The following DENND5B variants were observed in gnomAD, a reference collection of about 807,000 sequenced individuals.
The protein encoded by DENND5B is DENN domain containing 5B.
In DENND5B, 34 loss-of-function variants were observed where a neutral mutation model predicts 140.6. That is an observed-to-expected ratio of 0.24 (90% CI 0.18 to 0.32). The LOEUF (loss-of-function observed/expected upper bound fraction) is 0.32, where lower values mean the gene tolerates loss of function less well. Ranked by LOEUF, DENND5B falls within the 10% of genes least tolerant of loss-of-function variation. DENND5B has a pLI of 1.00. For synonymous variants in DENND5B, 551 were observed against 562.1 expected (o/e 0.98, Z 0.28); for missense variants, 1,142 against 1,560.2 (o/e 0.73, Z 4.52).
At chr12:31,450,074 G>C (rs1013034513) in intron 5 of DENND5B, among the ~76,000 whole-genome samples, 5 of 152,148 alleles carry the variant, frequency 3.3e-5, no homozygotes, top group African/African-American at 1.2e-4. Context: ...ATGGAAAATG[G>C]TTAAGACTAA....
intron 1 of DENND5B, among the ~76,000 whole-genome samples, chr12:31,566,913 C>T (rs1244416265): frequency 1.3e-5 from 2 of 152,130 alleles, no homozygotes; most frequent in Non-Finnish European, 2.9e-5. Flanking sequence ...GTTCTACCAG[C>T]TACTTGGGAA....
intron 9 of DENND5B, among the ~76,000 whole-genome samples, chr12:31,425,650 G>A (rs2271983): frequency 0.011 from 1,727 of 152,268 alleles, 19 homozygotes; most frequent in East Asian, 0.031. Flanking sequence ...TGTAAAATGA[G>A]AGAGAATCTA....
intron 1 of DENND5B, among the ~76,000 whole-genome samples, chr12:31,589,005 A>G (rs1486947577): frequency 1.3e-5 from 2 of 152,238 alleles, no homozygotes; most frequent in Non-Finnish European, 2.9e-5. Context: ...TTAAAGTCTA[A>G]TTGATGGTTT....
At chr12:31,472,593 GAAAT>G (rs2138434764) in intron 3 of DENND5B, among the ~76,000 whole-genome samples, 1 of 152,096 alleles carries the variant, frequency 6.6e-6, no homozygotes, top group Non-Finnish European at 1.5e-5. Context: ...CACCCAGCCT[GAAAT>G]GAAAGTCTTA....
chr12:31,489,141 C>T (rs1285015965), intron 2 of DENND5B, among the ~76,000 whole-genome samples: 2 of 152,106 alleles, frequency 1.3e-5, no homozygotes, highest in Non-Finnish European at 2.9e-5. Flanking sequence ...TATAGGACAA[C>T]GGCTGGAGCA....
chr12:31,561,415 G>C (rs1379242694), intron 1 of DENND5B, among the ~76,000 whole-genome samples: 1 of 152,164 alleles, frequency 6.6e-6, no homozygotes, highest in African/African-American at 2.4e-5. Context: ...CCTGAGCCCG[G>C]AAGTTCAAGA....
At chr12:31,576,536 CCCA>C (rs1950025188) in intron 1 of DENND5B, among the ~76,000 whole-genome samples, 1 of 151,858 alleles carries the variant, frequency 6.6e-6, no homozygotes, top group Non-Finnish European at 1.5e-5. Flanking sequence ...AAAGAAATTT[CCCA>C]GTTTCTGCTA....
chr12:31,470,892 C>T (rs1054117189), intron 3 of DENND5B, among the ~76,000 whole-genome samples: 1 of 152,118 alleles, frequency 6.6e-6, no homozygotes, highest in Non-Finnish European at 1.5e-5. Context: ...TCCTGGGTGG[C>T]CACTCATGGG....
chr12:31,438,838 CAG>C (rs908767706), intron 7 of DENND5B, among the ~76,000 whole-genome samples: 20 of 152,084 alleles, frequency 1.3e-4, no homozygotes, highest in African/African-American at 4.6e-4. Flanking sequence ...AAATATGAAA[CAG>C]AATATAAATA....
chr12:31,570,738 T>C (rs771991759), intron 1 of DENND5B, among the ~76,000 whole-genome samples: 33 of 152,072 alleles, frequency 2.2e-4, no homozygotes, highest in Non-Finnish European at 4.1e-4. Context: ...GAAATGCACA[T>C]CTGTCCTTGC....
chr12:31,388,248 T>A (rs796181311), intron 20 of DENND5B, among the ~76,000 whole-genome samples: 31 of 112,486 alleles, frequency 2.8e-4, no homozygotes, highest in African/African-American at 1.0e-3. Flanking sequence ...TTTTTTTTTT[T>A]AACTTATATA....
Position 31,576,305 on chromosome 12 carries a change from T to C in DENND5B, c.127+14401A>G, listed in dbSNP as rs545192526. ...TGTCTCTACTAAAAAATACAAAAAT[T>C]AGCCAAGCGTAGTGGCAGACGCCTG... On this transcript the variant is annotated intron_variant, in intron 1 of 20. Coordinates refer to ENST00000389082, the MANE Select transcript of DENND5B (RefSeq NM_144973.4). 2.0e-5 allele frequency among the ~76,000 whole-genome samples: 3 copies of C among 151,372 alleles called. No individual in the cohort carries two copies. The East Asian group carries it at 5.9e-4, about 30-fold the overall frequency.
chr12:31,451,514 G>A (rs532915741), intron 5 of DENND5B, among the ~76,000 whole-genome samples: 17 of 152,100 alleles, frequency 1.1e-4, no homozygotes, highest in Admixed American at 3.3e-4. Flanking sequence ...TCGTAGAGAC[G>A]GGGTTTCACC....
intron 1 of DENND5B, among the ~76,000 whole-genome samples, chr12:31,548,442 G>A (rs1948935262): frequency 6.6e-6 from 1 of 151,884 alleles, no homozygotes; most frequent in Non-Finnish European, 1.5e-5. Context: ...TCTCTCACCA[G>A]AAGCAGAACC....
At chr12:31,389,647 G>A in intron 19 of DENND5B, 149 bp from the exon 20 acceptor site, 2 of 717,604 alleles carry the variant, frequency 2.8e-6, no homozygotes, top group Non-Finnish European at 4.3e-6. Flanking sequence ...ATTGATTTTA[G>A]GGGTCGATGT....
chr12:31,582,909 T>C (rs1950254178), intron 1 of DENND5B, among the ~76,000 whole-genome samples: 1 of 152,356 alleles, frequency 6.6e-6, no homozygotes, highest in South Asian at 2.1e-4. Flanking sequence ...GGATGAATTA[T>C]GTCAGACAGA....
intron 17 of DENND5B, among the ~76,000 whole-genome samples, chr12:31,395,116 A>C (rs1027094261): frequency 3.9e-5 from 6 of 152,186 alleles, no homozygotes; most frequent in African/African-American, 1.4e-4. Context: ...ATATCTGGGT[A>C]CAAGTCTGTG....
At chr12:31,468,267 A>ATTTT (rs1945372434) in intron 3 of DENND5B, among the ~76,000 whole-genome samples, 1 of 152,102 alleles carries the variant, frequency 6.6e-6, no homozygotes, top group Non-Finnish European at 1.5e-5. Flanking sequence ...TTATTTATTT[A>ATTTT]TTTATTTATT....
intron 14 of DENND5B, among the ~76,000 whole-genome samples, chr12:31,406,956 G>A (rs1235561862): frequency 1.3e-5 from 2 of 149,568 alleles, no homozygotes; most frequent in African/African-American, 4.9e-5. Flanking sequence ...GCGCCACCAC[G>A]TCCGGCTAAT....
Sources: allele counts gnomAD v4.1 joint callset (sites outside exome capture counted in the v4.1 genomes callset), GRCh38; gene constraint gnomAD v4.1.1; transcripts MANE v1.5; gene names NCBI Gene and HGNC (gene_info 2026-07-23, HGNC 2026-07-21).